The following SLC38A6 variants were observed in gnomAD, a reference collection of about 807,000 sequenced individuals.
The protein encoded by SLC38A6 is N system amino acid transporter NAT-1.
A neutral mutation model predicts 65.0 loss-of-function variants in SLC38A6; 73 were observed. That is an observed-to-expected ratio of 1.12 (90% confidence interval 0.93 to 1.37). The LOEUF (loss-of-function observed/expected upper bound fraction) is 1.37. SLC38A6 is among the 40% of genes most tolerant of loss of function. The probability of loss-of-function intolerance (pLI) is 0.00; values close to 1 mark genes in which losing one functional copy is unlikely to be tolerated. For synonymous variants in SLC38A6, 183 were observed against 178.8 expected (o/e 1.02, Z -0.19); for missense variants, 561 against 531.1 (o/e 1.06, Z -0.55).
At chr14:61,075,713 T>A (rs910728605) in intron 15 of SLC38A6, among the ~76,000 whole-genome samples, 5 of 151,846 alleles carry the variant, frequency 3.3e-5, no homozygotes, top group Non-Finnish European at 5.9e-5. Flanking sequence ...CTTGCTAGGT[T>A]CTCTGTAACA....
chr14:61,018,669 G>C (rs957866084), intron 4 of SLC38A6, among the ~76,000 whole-genome samples: 3 of 152,124 alleles, frequency 2.0e-5, no homozygotes, highest in Non-Finnish European at 4.4e-5. Context: ...TTTCCTCTAA[G>C]CATATCTGAT....
rs995877039 is a variant in SLC38A6 at position 60,998,525 on chromosome 14, C to G, written c.310+13722C>G. ...CCCCATCCATCTCACTGAGAGCCACCTCCATCACCTAATACAATTCCCACA... is the reference window on the plus strand; with the variant it reads ...CCCCATCCATCTCACTGAGAGCCACGTCCATCACCTAATACAATTCCCACA... On this transcript the variant is annotated intron_variant, in intron 3 of 15. Coordinates refer to ENST00000267488, the MANE Select transcript of SLC38A6 (RefSeq NM_153811.3). Among the ~76,000 whole-genome samples, 7 of 152,152 alleles carry G rather than the reference C, an allele frequency of 4.6e-5. 1 individual carries two copies. The South Asian group carries it at 1.4e-3, about 32-fold the overall frequency.
chr14:60,986,989 C>A, intron 3 of SLC38A6: 1 of 379,400 alleles, frequency 2.6e-6, no homozygotes, highest in East Asian at 9.8e-5. Context: ...TTCTGTAACT[C>A]TGGGGCGTAT....
intron 11 of SLC38A6, among the ~76,000 whole-genome samples, chr14:61,045,801 G>A (rs923823751): frequency 2.0e-5 from 3 of 151,626 alleles, no homozygotes; most frequent in Admixed American, 6.6e-5. Context: ...CAGGAGAATC[G>A]CTTGAACCCA....
At chr14:61,079,075 G>GA (rs2043540044) in intron 16 of SLC38A6, 1 of 150,174 alleles carries the variant, frequency 6.7e-6, no homozygotes, top group African/African-American at 2.5e-5. Context: ...GTGAGCCACC[G>GA]AGCCAGGTCA....
intron 5 of SLC38A6, among the ~76,000 whole-genome samples, chr14:61,025,206 C>A (rs191764351): frequency 6.6e-6 from 1 of 152,212 alleles, no homozygotes; most frequent in African/African-American, 2.4e-5. Context: ...AGATCATTTT[C>A]AATTGAGAAT....
intron 5 of SLC38A6, among the ~76,000 whole-genome samples, chr14:61,030,016 T>C (rs1197471361): frequency 6.6e-6 from 1 of 152,206 alleles, no homozygotes; most frequent in Non-Finnish European, 1.5e-5. Context: ...AAGGAACAGA[T>C]AATCCAGTTA....
At chr14:61,031,320 A>G (rs1484964814) in intron 6 of SLC38A6, among the ~76,000 whole-genome samples, 1 of 152,174 alleles carries the variant, frequency 6.6e-6, no homozygotes, top group Admixed American at 6.5e-5. Context: ...AGATTTGAAT[A>G]CTGGGTTGTT....
At chr14:60,989,762 G>T (rs1374969157) in intron 3 of SLC38A6, among the ~76,000 whole-genome samples, 1 of 152,110 alleles carries the variant, frequency 6.6e-6, no homozygotes, top group East Asian at 1.9e-4. Context: ...GATGTCTCCA[G>T]TTCCTCTCCT....
chr14:61,017,805 G>T (rs1188007820), intron 4 of SLC38A6, among the ~76,000 whole-genome samples: 1 of 152,120 alleles, frequency 6.6e-6, no homozygotes, highest in Non-Finnish European at 1.5e-5. Context: ...ACTAGACAAA[G>T]CATACTCTGA....
chr14:60,990,651 G>T (rs532691414), intron 3 of SLC38A6, among the ~76,000 whole-genome samples: 1 of 151,358 alleles, frequency 6.6e-6, no homozygotes, highest in Non-Finnish European at 1.5e-5. Context: ...ATTTTTTTTC[G>T]AGATAGTGTC....
intron 3 of SLC38A6, among the ~76,000 whole-genome samples, chr14:60,997,771 A>G (rs1020764919): frequency 4.6e-4 from 70 of 152,346 alleles, no homozygotes; most frequent in African/African-American, 1.5e-3. Flanking sequence ...TGGACAATAA[A>G]GGAGAAGTAG....
chr14:61,043,314 A>G (rs1053405457), intron 9 of SLC38A6, 102 bp downstream of exon 9: 1 of 1,030,180 alleles, frequency 9.7e-7, no homozygotes, highest in Non-Finnish European at 1.4e-6. Context: ...AGTAATGGCT[A>G]TATTGCATTT....
At chr14:61,013,613 G>A (rs914661640) in intron 3 of SLC38A6, among the ~76,000 whole-genome samples, 5 of 152,172 alleles carry the variant, frequency 3.3e-5, no homozygotes, top group Non-Finnish European at 4.4e-5. Flanking sequence ...TTGCTTGTCT[G>A]TAAAGGATTT....
chr14:61,019,741 T>C (rs1179024279), intron 5 of SLC38A6, among the ~76,000 whole-genome samples, 161 bp downstream of exon 5: 1 of 152,100 alleles, frequency 6.6e-6, no homozygotes, highest in East Asian at 1.9e-4. Context: ...TGGATCCTTT[T>C]TAGCAGCACT....
At chr14:61,027,723 A>G (rs1036125958) in intron 5 of SLC38A6, among the ~76,000 whole-genome samples, 2 of 122,110 alleles carry the variant, frequency 1.6e-5, no homozygotes, top group African/African-American at 3.1e-5. Context: ...TGTATTATAT[A>G]TAATATAATG....
intron 6 of SLC38A6, among the ~76,000 whole-genome samples, chr14:61,035,353 TATC>T (rs1244122945): frequency 1.3e-5 from 2 of 152,296 alleles, no homozygotes; most frequent in Non-Finnish European, 1.5e-5. Context: ...ATTATATTTA[TATC>T]ATCATCATTT....
intron 3 of SLC38A6, among the ~76,000 whole-genome samples, chr14:60,986,256 T>C (rs1263708159): frequency 6.6e-6 from 1 of 152,238 alleles, no homozygotes; most frequent in Non-Finnish European, 1.5e-5. Context: ...CATAGATCTT[T>C]TTATACACAG....
chr14:60,999,355 G>A (rs537477043), intron 3 of SLC38A6, among the ~76,000 whole-genome samples: 3 of 152,162 alleles, frequency 2.0e-5, no homozygotes, highest in African/African-American at 7.2e-5. Flanking sequence ...TTTGAGTAAT[G>A]ATAATGGAAT....
Sources: gnomAD v4.1 joint callset for allele counts (sites outside exome capture counted in the v4.1 genomes callset) on GRCh38, gnomAD v4.1.1 for gene constraint, MANE v1.5 for transcripts, NCBI Gene and HGNC (gene_info 2026-07-23, HGNC 2026-07-21) for gene names.